The following GPD2 variants were observed in gnomAD, a reference collection of about 807,000 sequenced individuals.
GPD2 encodes glycerol-3-phosphate dehydrogenase 2.
In GPD2, 54 loss-of-function variants were observed where a neutral mutation model predicts 82.4. The observed-to-expected ratio is 0.66, with a 90% confidence interval of 0.53 to 0.82. The LOEUF (loss-of-function observed/expected upper bound fraction) is 0.82, where lower values mean the gene tolerates loss of function less well. Among genes scored for constraint, GPD2 ranks in the 40% least tolerant of loss-of-function variants. The pLI is 0.00. For synonymous variants in GPD2, 288 were observed against 306.1 expected (o/e 0.94, Z 0.62); for missense variants, 748 against 896.2 (o/e 0.83, Z 2.11).
intron 9 of GPD2, among the ~76,000 whole-genome samples, chr2:156,560,222 G>A (rs897919835): frequency 1.3e-5 from 2 of 152,170 alleles, no homozygotes; most frequent in East Asian, 1.9e-4. Flanking sequence ...ATCTCTACCC[G>A]TGAAGTGAGC....
At chr2:156,416,028 A>AC in the GPD2 span, among the ~76,000 whole-genome samples, 1 of 98,648 alleles carries the variant, frequency 1.0e-5, no homozygotes, top group East Asian at 3.3e-4. Flanking sequence ...CTCAAAAAAA[A>AC]AAAAAAACAA....
rs771207219 is a variant in GPD2 at position 156,579,012 on chromosome 2, T to G, written c.1880+11T>G. On this transcript the variant is annotated intron_variant, in intron 14 of 16. Coordinates refer to ENST00000438166, the MANE Select transcript of GPD2 (RefSeq NM_000408.5). ...TTCAGACATTGACAGGTACTTATAA[T>G]AAGTGTCTATCTATCTCTCTTTTTT... is the stretch of plus-strand genomic sequence containing the variant. 3.1e-5 allele frequency: 49 copies of G among 1,563,174 alleles called. 1 individual carries two copies. Among genetic ancestry groups the G allele is most frequent in the Non-Finnish European group, 4.1e-5 (47 of 1,133,838 alleles).
At chr2:156,578,802 C>A in intron 13 of GPD2, 87 bp from the exon 14 acceptor site, 1 of 816,632 alleles carries the variant, frequency 1.2e-6, no homozygotes, top group Non-Finnish European at 2.2e-6. Context: ...GGATCAACTT[C>A]ATTTTCTGAA....
chr2:156,439,031 G>C (rs1192135650), intron 1 of GPD2, among the ~76,000 whole-genome samples: 2 of 152,208 alleles, frequency 1.3e-5, no homozygotes, highest in African/African-American at 2.4e-5. Context: ...AACATGTCCT[G>C]AAGACTATTG....
intron 16 of GPD2, among the ~76,000 whole-genome samples, chr2:156,580,608 G>A: frequency 6.6e-6 from 1 of 152,162 alleles, no homozygotes; most frequent in South Asian, 2.1e-4. Flanking sequence ...CCATGGCAAT[G>A]ATGAATGCTG....
At chr2:156,524,895 A>G (rs1367255793) in intron 6 of GPD2, among the ~76,000 whole-genome samples, 1 of 152,314 alleles carries the variant, frequency 6.6e-6, no homozygotes, top group South Asian at 2.1e-4. Context: ...TTTTTAAATT[A>G]GTAATTATAA....
rs1558959953 is a variant in GPD2 at position 156,557,372 on chromosome 2, C to A, written c.972-17C>A. On this transcript the variant is annotated splice_polypyrimidine_tract_variant and intron_variant, in intron 8 of 16. Transcript: ENST00000438166. Reference sequence around the variant, plus strand: ...TCTGGGATTTTCAGAAATAAATAATCCTTCTTTGTATCTCAGCCCAGAGAG... The same window carrying A: ...TCTGGGATTTTCAGAAATAAATAATACTTCTTTGTATCTCAGCCCAGAGAG... 4 of 1,500,976 alleles carry A rather than the reference C, an allele frequency of 2.7e-6. No homozygotes were observed. The East Asian group carries it at 6.8e-5, about 25-fold the overall frequency. The allele number at this position is 1,500,976 out of a possible 1,614,324, so 93.0% of individuals were successfully genotyped here.
chr2:156,544,879 A>G (rs958343562), intron 6 of GPD2, among the ~76,000 whole-genome samples: 1 of 152,210 alleles, frequency 6.6e-6, no homozygotes, highest in African/African-American at 2.4e-5. Context: ...CTTTTAAGAT[A>G]CATTCTCCCT....
At chr2:156,495,099 G>T (rs1254424543) in intron 2 of GPD2, among the ~76,000 whole-genome samples, 1 of 152,152 alleles carries the variant, frequency 6.6e-6, no homozygotes, top group African/African-American at 2.4e-5. Context: ...AATCTCAGCA[G>T]TTTGGAAGGC....
intron 1 of GPD2, among the ~76,000 whole-genome samples, chr2:156,456,593 C>T (rs1260754881): frequency 2.7e-5 from 4 of 148,182 alleles, no homozygotes; most frequent in Non-Finnish European, 4.5e-5. Context: ...GCGACTCTGT[C>T]TCAAAAAAAA....
chr2:156,539,257 G>A (rs1276246275), intron 6 of GPD2, among the ~76,000 whole-genome samples: 1 of 152,124 alleles, frequency 6.6e-6, no homozygotes, highest in African/African-American at 2.4e-5. Context: ...CGGTTCTAGG[G>A]GATTGGTAGA....
Position 156,495,051 on chromosome 2 carries a change from A to C in GPD2, c.103-993A>C, listed in dbSNP as rs535333466. On this transcript the variant is annotated intron_variant, in intron 2 of 16. Transcript: ENST00000438166. ...ATATTATTGTTGAAGTTTCATAAAA[A>C]CTGTAATAATGGGCTGGGTGCAGTG... Among the ~76,000 whole-genome samples the C allele has an allele frequency of 3.8e-4, 58 of 152,272 alleles. 1 individual carries two copies. In the South Asian group the frequency reaches 0.012, roughly 31 times the overall value.
intron 6 of GPD2, among the ~76,000 whole-genome samples, chr2:156,525,342 A>G (rs572615776): frequency 6.6e-6 from 1 of 152,306 alleles, no homozygotes; most frequent in South Asian, 2.1e-4. Context: ...GTTTGCTATG[A>G]CAAGATACTC....
the GPD2 span, among the ~76,000 whole-genome samples, chr2:156,421,810 C>T: frequency 6.6e-6 from 1 of 152,114 alleles, no homozygotes; most frequent in Admixed American, 6.6e-5. Flanking sequence ...TCTGATTTTC[C>T]TTAAGAATGC....
chr2:156,459,706 AAAAG>A (rs1553465807), intron 1 of GPD2, among the ~76,000 whole-genome samples: 1 of 148,854 alleles, frequency 6.7e-6, no homozygotes, highest in Non-Finnish European at 1.5e-5. Context: ...AAAAAAAAAA[AAAAG>A]AAAGAAAAAG....
the GPD2 span, among the ~76,000 whole-genome samples, chr2:156,421,944 A>G: frequency 1.3e-5 from 2 of 152,176 alleles, no homozygotes; most frequent in African/African-American, 4.8e-5. Context: ...TGGGCAACAT[A>G]GTGAGAACCC....
chr2:156,409,417 C>T, the GPD2 span, among the ~76,000 whole-genome samples: 1 of 152,134 alleles, frequency 6.6e-6, no homozygotes, highest in East Asian at 1.9e-4. Flanking sequence ...AGAAAGTCTG[C>T]TGAGTGTGGT....
upstream of GPD2, among the ~76,000 whole-genome samples, chr2:156,433,520 C>G (rs903284773): frequency 6.6e-6 from 1 of 152,182 alleles, no homozygotes; most frequent in Non-Finnish European, 1.5e-5. Flanking sequence ...CTGGCTTCCC[C>G]CAACCCACCA....
intron 3 of GPD2, among the ~76,000 whole-genome samples, chr2:156,498,619 G>A (rs1352590478): frequency 6.6e-6 from 1 of 152,144 alleles, no homozygotes; most frequent in Non-Finnish European, 1.5e-5. Context: ...TATGCTAGGG[G>A]AAAGCCTTTG....
Sources: gnomAD v4.1 joint callset for allele counts (sites outside exome capture counted in the v4.1 genomes callset) on GRCh38, gnomAD v4.1.1 for gene constraint, MANE v1.5 for transcripts, NCBI Gene and HGNC (gene_info 2026-07-23, HGNC 2026-07-21) for gene names.